RPH3A: variants seen among roughly 807,000 people sequenced by gnomAD.
The protein encoded by RPH3A is rabphilin 3A, also known as rabphilin-3A.
RPH3A carries 48 observed loss-of-function variants against 102.2 expected under a neutral mutation model. The observed-to-expected ratio is 0.47, with a 90% CI of 0.37 to 0.60. The LOEUF is 0.60. Among genes scored for constraint, RPH3A ranks in the 20% least tolerant of loss-of-function variants. The probability of loss-of-function intolerance (pLI) is 0.00; values close to 1 mark genes in which losing one functional copy is unlikely to be tolerated. For synonymous variants in RPH3A, 310 were observed against 324.3 expected (o/e 0.96, Z 0.47); for missense variants, 781 against 910.1 (o/e 0.86, Z 1.83).
At chr12:112,708,092 A>G (rs899986295) in intron 1 of RPH3A, among the ~76,000 whole-genome samples, 17 of 152,238 alleles carry the variant, frequency 1.1e-4, no homozygotes, top group African/African-American at 4.1e-4. Context: ...GTTGGCTTCA[A>G]CTGTTCTGAA....
chr12:112,800,840 C>T (rs2041331057), intron 2 of RPH3A, among the ~76,000 whole-genome samples: 1 of 152,022 alleles, frequency 6.6e-6, no homozygotes, highest in South Asian at 2.1e-4. Flanking sequence ...TAACCAAGGG[C>T]CAATGGGTTA....
intron 1 of RPH3A, among the ~76,000 whole-genome samples, chr12:112,651,384 A>AAAACAAAC (rs35545455): frequency 1.3e-4 from 19 of 150,704 alleles, no homozygotes; most frequent in Non-Finnish European, 2.5e-4. Context: ...AAACCCCCAA[A>AAAACAAAC]AAACAAACAA....
intron 4 of RPH3A, chr12:112,841,939 A>G (rs913069513): frequency 3.5e-5 from 16 of 455,814 alleles, no homozygotes; most frequent in Non-Finnish European, 5.7e-5. Context: ...TCTCCTGAAT[A>G]GCTAAATCAA....
chr12:112,680,189 CA>C, intron 1 of RPH3A, among the ~76,000 whole-genome samples: 1 of 152,286 alleles, frequency 6.6e-6, no homozygotes. Context: ...TGCAAGACCT[CA>C]AGGCTGCAGG....
chr12:112,652,136 T>C (rs76356460), intron 1 of RPH3A, among the ~76,000 whole-genome samples: 4,573 of 152,082 alleles, frequency 0.03, 171 homozygotes, highest in South Asian at 0.1. Context: ...TACTAGATCA[T>C]GTGGGAATTG....
At chr12:112,892,504 A>G (rs530209646) in intron 19 of RPH3A, among the ~76,000 whole-genome samples, 1 of 152,234 alleles carries the variant, frequency 6.6e-6, no homozygotes, top group Non-Finnish European at 1.5e-5. Flanking sequence ...CCTTGAGCAC[A>G]GTCACCCATC....
chr12:112,879,557 A>G (rs1412318674), intron 14 of RPH3A, among the ~76,000 whole-genome samples: 1 of 152,106 alleles, frequency 6.6e-6, no homozygotes, highest in Non-Finnish European at 1.5e-5. Context: ...ATGGCCATGG[A>G]ATGGTCCCAT....
chr12:112,772,769 AG>A (rs1159842098), intron 1 of RPH3A, among the ~76,000 whole-genome samples: 1 of 151,990 alleles, frequency 6.6e-6, no homozygotes, highest in Non-Finnish European at 1.5e-5. Context: ...ATTGGGGTAC[AG>A]GTGGTATTTG....
chr12:112,889,608 G>GCCCCAGGGGCCATGAAGGCAAAAGCA (rs1565945815), intron 17 of RPH3A, among the ~76,000 whole-genome samples: 3 of 152,132 alleles, frequency 2.0e-5, no homozygotes, highest in Admixed American at 1.3e-4. Context: ...CAGCAAAAGG[G>GCCCCAGGGGCCATGAAGGCAAAAGCA]CCCCAGGGGC....
At position 112,627,189 on chromosome 12, in the gene RPH3A, C is replaced by T. The variant is rs540830516; in HGVS notation, c.-140+51870C>T. On this transcript the variant is annotated intron_variant, in intron 1 of 21. Transcript: ENST00000543106. Reference sequence around the variant, plus strand: ...CTAACCTGCACAATGTGCACATGTACCCTAAAACTTAAAGTATAATAAAAA... The same window carrying T: ...CTAACCTGCACAATGTGCACATGTATCCTAAAACTTAAAGTATAATAAAAA... Among the ~76,000 whole-genome samples the T allele has an allele frequency of 7.3e-5, 11 of 149,678 alleles. No homozygotes were observed. The South Asian group carries it at 1.7e-3, about 23-fold the overall frequency.
intron 1 of RPH3A, among the ~76,000 whole-genome samples, chr12:112,779,990 C>T (rs1347345129): frequency 1.3e-5 from 2 of 152,180 alleles, no homozygotes; most frequent in African/African-American, 2.4e-5. Flanking sequence ...GACTGTCGGC[C>T]ACTGCCAGAA....
rs1555209153 is a variant in RPH3A, at chr12:112,791,867, G to GGAGAGAGAGCGAGAGAGAGAGAGA, written c.-276_-275insCGAGAGAGAGAGAGAGAGAGAGAG. On this transcript the variant is annotated 5_prime_UTR_variant, in exon 1 of 22. Coordinates refer to ENST00000389385, the MANE Select transcript of RPH3A (RefSeq NM_001143854.2). ...CGCGGACTGGAAAGGAAGGGAGAAG[G>GGAGAGAGAGCGAGAGAGAGAGAGA]GAGAGAGAGAGAGAGAGAGAGAGAG... 9 of 48,484 alleles carry GGAGAGAGAGCGAGAGAGAGAGAGA rather than the reference G, an allele frequency of 1.9e-4. 1 individual carries two copies. The highest frequency in any genetic ancestry group is 6.7e-4 in the African/African-American group (7 of 10,408). 3.0% of individuals were successfully genotyped at this position (48,484 alleles called of 1,614,324 possible). A position where few individuals can be genotyped will look rare whatever the true frequency, so the allele number is the denominator to read the frequency against.
intron 10 of RPH3A, among the ~76,000 whole-genome samples, chr12:112,871,224 C>T (rs1803945136): frequency 6.6e-6 from 1 of 152,114 alleles, no homozygotes; most frequent in Non-Finnish European, 1.5e-5. Flanking sequence ...CCATTTTAAC[C>T]ATTTTCATGT....
chr12:112,875,019 A>G (rs1008324822), intron 10 of RPH3A, 65 bp from the exon 11 acceptor site: 8 of 1,409,000 alleles, frequency 5.7e-6, no homozygotes, highest in Non-Finnish European at 7.8e-6. Flanking sequence ...AGTGGTCCCA[A>G]GCTCCTTCCT....
intron 1 of RPH3A, among the ~76,000 whole-genome samples, chr12:112,746,351 A>C (rs1421187784): frequency 6.6e-6 from 1 of 152,154 alleles, no homozygotes; most frequent in African/African-American, 2.4e-5. Context: ...CTCATGTGAC[A>C]AATGAAGAAG....
At position 112,875,516 on chromosome 12, in the gene RPH3A, T is replaced by C. The variant is rs372105335; in HGVS notation, c.884-163T>C. On this transcript the variant is annotated intron_variant, in intron 11 of 21. Coordinates refer to ENST00000389385, the MANE Select transcript of RPH3A (RefSeq NM_001143854.2). ...ACTAGGGCTTGGATCCAAGTCTTTC[T>C]AAATCCAAAAGCTCCTCTCCCAGTG... Among the ~76,000 whole-genome samples, 7 of 152,250 alleles carry C rather than the reference T, an allele frequency of 4.6e-5. No homozygotes were observed. In the East Asian group the frequency reaches 9.7e-4, roughly 21 times the overall value.
intron 2 of RPH3A, among the ~76,000 whole-genome samples, chr12:112,826,047 G>T (rs1032139547): frequency 6.6e-6 from 1 of 152,158 alleles, no homozygotes; most frequent in African/African-American, 2.4e-5. Context: ...CATCACCTAG[G>T]TATTAAGCCC....
intron 5 of RPH3A, among the ~76,000 whole-genome samples, chr12:112,850,166 C>T (rs950117581): frequency 1.3e-5 from 2 of 152,150 alleles, no homozygotes; most frequent in African/African-American, 4.8e-5. Flanking sequence ...CTTAGATAAG[C>T]CACTTTACCT....
At chr12:112,869,724 C>G in intron 8 of RPH3A, 35 bp from the exon 9 acceptor site, 1 of 1,612,034 alleles carries the variant, frequency 6.2e-7, no homozygotes, top group Non-Finnish European at 8.5e-7. Context: ...ACCAGAAAAC[C>G]AGTACTCCTC....
Sources: allele counts gnomAD v4.1 joint callset (sites outside exome capture counted in the v4.1 genomes callset), GRCh38; gene constraint gnomAD v4.1.1; transcripts MANE v1.5; gene names NCBI Gene and HGNC (gene_info 2026-07-23, HGNC 2026-07-21).